The following GRM1 variants were observed in gnomAD, a reference collection of about 807,000 sequenced individuals.
GRM1 encodes glutamate metabotropic receptor 1.
Under a neutral mutation model 90.9 loss-of-function variants are expected in GRM1, and 33 were observed. The ratio of observed to expected loss-of-function variants is 0.36; its 90% CI spans 0.28 to 0.49. The LOEUF (loss-of-function observed/expected upper bound fraction) is 0.49, where lower values mean the gene tolerates loss of function less well. GRM1 is among the 20% of genes least tolerant of loss of function. The pLI, the probability that GRM1 is intolerant of heterozygous loss-of-function variation, is 0.99. For missense variants in GRM1, 1,190 were observed against 1,534.3 expected, an observed-to-expected ratio of 0.78 and a Z score of 3.75; for synonymous variants, 700 against 613.2, an observed-to-expected ratio of 1.14 and a Z score of -2.09.
At chr6:146,087,059 G>T (rs1204487373) in intron 1 of GRM1, among the ~76,000 whole-genome samples, 2 of 152,022 alleles carry the variant, frequency 1.3e-5, no homozygotes, top group Non-Finnish European at 2.9e-5. Flanking sequence ...TAAGTTTAAA[G>T]AAATCAACTT....
intron 5 of GRM1, among the ~76,000 whole-genome samples, chr6:146,376,828 G>A (rs150077124): frequency 9.9e-5 from 15 of 152,210 alleles, no homozygotes; most frequent in African/African-American, 2.6e-4. Flanking sequence ...ATGTCAAATC[G>A]TAACTCTCAT....
intron 6 of GRM1, among the ~76,000 whole-genome samples, chr6:146,393,274 C>T (rs1171698971): frequency 2.6e-5 from 4 of 152,172 alleles, no homozygotes; most frequent in Non-Finnish European, 5.9e-5. Flanking sequence ...TTGCATTTCT[C>T]TAATGACCAG....
intron 2 of GRM1, among the ~76,000 whole-genome samples, chr6:146,237,441 A>ATTATTTGTAAAATATTTTTACAAATAG (rs6149841): frequency 0.092 from 12,997 of 142,024 alleles, 940 homozygotes; most frequent in Middle Eastern, 0.11. Context: ...TCAAATATAA[A>ATTATTTGTAAAATATTTTTACAAATAG]TTATTTGTAA....
chr6:146,088,057 T>C (rs1776603056), intron 1 of GRM1, among the ~76,000 whole-genome samples: 1 of 152,188 alleles, frequency 6.6e-6, no homozygotes. Context: ...ACATTCCCAC[T>C]AGAAATATGA....
At chr6:146,053,034 G>A (rs563269410) in intron 1 of GRM1, among the ~76,000 whole-genome samples, 8 of 151,958 alleles carry the variant, frequency 5.3e-5, no homozygotes, top group Non-Finnish European at 7.4e-5. Flanking sequence ...ATTGACCTAC[G>A]GTACCCTTTC....
chr6:146,089,290 T>TATCA (rs1352861572), intron 1 of GRM1, among the ~76,000 whole-genome samples: 1 of 152,136 alleles, frequency 6.6e-6, no homozygotes, highest in Non-Finnish European at 1.5e-5. Flanking sequence ...AGTCCTTCAG[T>TATCA]ATCAAGGCAA....
intron 3 of GRM1, among the ~76,000 whole-genome samples, chr6:146,321,790 G>C (rs537409036): frequency 2.0e-5 from 3 of 152,070 alleles, no homozygotes; most frequent in Admixed American, 6.5e-5. Context: ...TGCAACTCCT[G>C]CTCTTTTATT....
intron 2 of GRM1, among the ~76,000 whole-genome samples, chr6:146,164,556 T>C (rs1455063470): frequency 6.6e-6 from 1 of 152,268 alleles, no homozygotes; most frequent in East Asian, 1.9e-4. Context: ...GGGTTGATGC[T>C]CTTCAATCAG....
chr6:146,412,071 A>G (rs1324616789), intron 7 of GRM1, among the ~76,000 whole-genome samples: 1 of 152,156 alleles, frequency 6.6e-6, no homozygotes, highest in Non-Finnish European at 1.5e-5. Flanking sequence ...GTAACCCTCC[A>G]TCCCCTCCTT....
At chr6:146,193,988 T>C (rs189952320) in intron 2 of GRM1, among the ~76,000 whole-genome samples, 1 of 152,276 alleles carries the variant, frequency 6.6e-6, no homozygotes, top group African/African-American at 2.4e-5. Flanking sequence ...CTTGTTTACC[T>C]TCTCTTCAAC....
chr6:146,299,385 T>TA (rs944042319), intron 2 of GRM1, among the ~76,000 whole-genome samples: 3 of 151,270 alleles, frequency 2.0e-5, no homozygotes, highest in South Asian at 2.1e-4. Context: ...TATTTTGCAT[T>TA]AAAAAAAATG....
chr6:146,056,037 C>G (rs1262106560), intron 1 of GRM1, among the ~76,000 whole-genome samples: 1 of 152,076 alleles, frequency 6.6e-6, no homozygotes, highest in Non-Finnish European at 1.5e-5. Context: ...AATTCAGTCT[C>G]ACTTAAAACC....
intron 5 of GRM1, among the ~76,000 whole-genome samples, chr6:146,382,313 C>T (rs1327961018): frequency 1.1e-5 from 1 of 94,536 alleles, no homozygotes; most frequent in Non-Finnish European, 2.2e-5. Context: ...GATATAAGAA[C>T]CTAAGATTTA....
intron 3 of GRM1, among the ~76,000 whole-genome samples, chr6:146,344,506 A>C (rs1188183415): frequency 6.6e-6 from 1 of 152,074 alleles, no homozygotes; most frequent in East Asian, 1.9e-4. Context: ...TGTTACTAAG[A>C]CCTCCTTGCC....
intron 2 of GRM1, 80 bp downstream of exon 2, chr6:146,159,677 A>G: frequency 7.1e-7 from 1 of 1,418,404 alleles, no homozygotes; most frequent in South Asian, 1.2e-5. Flanking sequence ...TTTGAAACAC[A>G]TATGCTTGCT....
chr6:146,320,873 G>T (rs1215571754), intron 3 of GRM1, among the ~76,000 whole-genome samples: 5 of 151,476 alleles, frequency 3.3e-5, no homozygotes, highest in African/African-American at 1.2e-4. Context: ...TTCTTTATTA[G>T]TCTGGCTAGC....
intron 1 of GRM1, among the ~76,000 whole-genome samples, chr6:146,152,478 T>C (rs1777375728): frequency 6.6e-6 from 1 of 151,994 alleles, no homozygotes; most frequent in Non-Finnish European, 1.5e-5. Context: ...ACACCTATAC[T>C]GTAAGTCCAT....
intron 1 of GRM1, among the ~76,000 whole-genome samples, chr6:146,079,049 G>A (rs1471602488): frequency 1.3e-5 from 2 of 152,156 alleles, no homozygotes; most frequent in Admixed American, 6.5e-5. Flanking sequence ...CACAGGAACC[G>A]GAGGGGCCAG....
At position 146,399,295 on chromosome 6, in the gene GRM1, T is replaced by C; in HGVS notation, c.2256T>C (p.Gly752=). 6.2e-7 allele frequency: 1 copy of C among 1,614,156 alleles called. No individual in the cohort carries two copies. Among genetic ancestry groups the C allele is most frequent in the South Asian group, 1.1e-5 (1 of 91,086 alleles). ...TTATCTGCAATACCAGCAACCTGGG[T>C]GTGGTGGCCCCTTTGGGCTACAATG... ...VYLICNTSNL[G]VVAPLGYNGL... is the part of the protein sequence containing the mutation. Residue 752 remains glycine, a synonymous_variant, in exon 7 of 8, where the codon GGT becomes GGC. Coordinates refer to ENST00000282753, the MANE Select transcript of GRM1 (RefSeq NM_001278064.2). The surrounding 1 kb of genome is among the most constrained non-coding windows in gnomAD (Gnocchi z 5.4).
Sources: allele counts gnomAD v4.1 joint callset (sites outside exome capture counted in the v4.1 genomes callset), GRCh38; gene constraint gnomAD v4.1.1; non-coding constraint Gnocchi (gnomAD v3.1); transcripts MANE v1.5; gene names NCBI Gene and HGNC (gene_info 2026-07-23, HGNC 2026-07-21).